ZBTB44: variants seen among roughly 807,000 people sequenced by gnomAD.
The protein encoded by ZBTB44 is zinc finger and BTB domain containing 44, also known as zinc finger and BTB domain-containing protein 44.
Under a neutral mutation model 54.0 loss-of-function variants are expected in ZBTB44, and 15 were observed. The ratio of observed to expected loss-of-function variants is 0.28; its 90% CI spans 0.19 to 0.43. The LOEUF (loss-of-function observed/expected upper bound fraction) is 0.43, where lower values mean the gene tolerates loss of function less well. ZBTB44 is among the 20% of genes least tolerant of loss of function. The probability of loss-of-function intolerance (pLI) is 1.00; values close to 1 mark genes in which losing one functional copy is unlikely to be tolerated. For synonymous variants in ZBTB44, 230 were observed against 250.1 expected (o/e 0.92, Z 0.76); for missense variants, 487 against 707.1 (o/e 0.69, Z 3.53).
intron 2 of ZBTB44, among the ~76,000 whole-genome samples, chr11:130,247,111 C>G (rs1937611315): frequency 1.3e-5 from 2 of 152,140 alleles, no homozygotes; most frequent in African/African-American, 2.4e-5. Context: ...TGAAATCACC[C>G]AACACAAGGC....
At chr11:130,269,972 C>T (rs969222243) in intron 1 of ZBTB44, among the ~76,000 whole-genome samples, 15 of 152,056 alleles carry the variant, frequency 9.9e-5, no homozygotes, top group African/African-American at 2.4e-4. Context: ...CTATTTTTCA[C>T]AGCATTTTAA....
At chr11:130,276,013 G>A (rs1940037347) in intron 1 of ZBTB44, among the ~76,000 whole-genome samples, 2 of 151,212 alleles carry the variant, frequency 1.3e-5, no homozygotes, top group African/African-American at 4.8e-5. Flanking sequence ...ATCACCTGAG[G>A]TCAGGAGTTT....
chr11:130,278,723 A>G (rs1940288610), intron 1 of ZBTB44, among the ~76,000 whole-genome samples: 1 of 152,130 alleles, frequency 6.6e-6, no homozygotes. Flanking sequence ...ACTGCTAGTG[A>G]ATTTTCGGTT....
Position 130,228,697 on chromosome 11 carries a change from G to A in ZBTB44, c.*3067C>T, listed in dbSNP as rs1401089216. The A allele has an allele frequency of 6.6e-6, 1 of 152,106 alleles. No individual in the cohort carries two copies. The allele number at this position is 152,106 out of a possible 1,614,324, so 9.4% of individuals were successfully genotyped here. A position where few individuals can be genotyped will look rare whatever the true frequency, so the allele number is the denominator to read the frequency against. On this transcript the variant is annotated 3_prime_UTR_variant, in exon 8 of 8. Coordinates refer to ENST00000357899, the MANE Select transcript of ZBTB44 (RefSeq NM_001301098.2). ...TAACCTCAACATTCATTTATGGGAT[G>A]ATTTTTCATCTGTTTTATTGAATAA...
At chr11:130,268,386 C>T (rs942706327) in intron 1 of ZBTB44, among the ~76,000 whole-genome samples, 30 of 152,082 alleles carry the variant, frequency 2.0e-4, no homozygotes, top group African/African-American at 7.2e-4. Flanking sequence ...AGACCTTCCA[C>T]CAACAAAAAG....
At chr11:130,313,966 A>ATATTTTT (rs1160244728) in intron 1 of ZBTB44, among the ~76,000 whole-genome samples, 4 of 116,236 alleles carry the variant, frequency 3.4e-5, no homozygotes, top group African/African-American at 1.1e-4. Flanking sequence ...ATATATATAT[A>ATATTTTT]TTTTTTTAAA....
chr11:130,249,526 C>A (rs1244593026), intron 2 of ZBTB44, among the ~76,000 whole-genome samples: 2 of 152,144 alleles, frequency 1.3e-5, no homozygotes, highest in African/African-American at 2.4e-5. Context: ...CGAATAGGAA[C>A]AGCTCCAGTC....
At chr11:130,293,670 G>A (rs1434256681) in intron 1 of ZBTB44, among the ~76,000 whole-genome samples, 6 of 151,134 alleles carry the variant, frequency 4.0e-5, no homozygotes, top group South Asian at 2.1e-4. Context: ...GGTGGTGCAC[G>A]CCGTCATCTC....
rs560725560 is a variant in ZBTB44, at chr11:130,295,487, A to C, written c.-57+18888T>G. ...CTGAGAAGAAAGTGCCGAGACTCCT[A>C]AAGAAACAGAAAATAACGTAGAGAA... is the stretch of plus-strand genomic sequence containing the variant. On this transcript the variant is annotated intron_variant, in intron 1 of 7. Coordinates refer to ENST00000357899, the MANE Select transcript of ZBTB44 (RefSeq NM_001301098.2). Among the ~76,000 whole-genome samples the C allele has an allele frequency of 7.9e-5, 12 of 152,316 alleles. No homozygotes were observed. The East Asian group carries it at 2.3e-3, about 29-fold the overall frequency.
chr11:130,292,864 A>G (rs1299624171), intron 1 of ZBTB44, among the ~76,000 whole-genome samples: 1 of 152,290 alleles, frequency 6.6e-6, no homozygotes, highest in East Asian at 1.9e-4. Flanking sequence ...AAAGTTATTA[A>G]AATAAGACGT....
intron 1 of ZBTB44, chr11:130,295,918 G>C (rs527514211): frequency 4.0e-6 from 6 of 1,517,026 alleles, no homozygotes; most frequent in African/African-American, 1.4e-5. Context: ...TGGCAGTAAC[G>C]GATCTGCTGA....
chr11:130,247,794 T>G (rs963203062), intron 2 of ZBTB44, among the ~76,000 whole-genome samples: 1 of 152,212 alleles, frequency 6.6e-6, no homozygotes, highest in African/African-American at 2.4e-5. Flanking sequence ...ATATCCAGAA[T>G]AGGCAACTAT....
intron 1 of ZBTB44, among the ~76,000 whole-genome samples, chr11:130,283,833 G>C (rs1940717490): frequency 6.6e-6 from 1 of 151,952 alleles, no homozygotes; most frequent in African/African-American, 2.4e-5. Context: ...AGCTGGGCAT[G>C]ATGGCAGGTG....
At chr11:130,253,333 C>CA (rs1274326997) in intron 2 of ZBTB44, among the ~76,000 whole-genome samples, 2 of 152,172 alleles carry the variant, frequency 1.3e-5, no homozygotes, top group Non-Finnish European at 2.9e-5. Flanking sequence ...CGTCTCAGCC[C>CA]AAAATCTCCT....
intron 2 of ZBTB44, among the ~76,000 whole-genome samples, chr11:130,251,105 C>G (rs1020844502): frequency 6.6e-6 from 1 of 152,106 alleles, no homozygotes; most frequent in Non-Finnish European, 1.5e-5. Context: ...ACATAAATGA[C>G]CTGACAGAGC....
chr11:130,268,301 C>T (rs75734857), intron 1 of ZBTB44, among the ~76,000 whole-genome samples: 9,367 of 151,680 alleles, frequency 0.062, 716 homozygotes, highest in African/African-American at 0.18. Context: ...ATCACTGTCT[C>T]ATTAAACAAA....
chr11:130,287,707 T>C (rs1941048557), intron 1 of ZBTB44, among the ~76,000 whole-genome samples: 1 of 152,010 alleles, frequency 6.6e-6, no homozygotes, highest in Non-Finnish European at 1.5e-5. Context: ...GAAATAATGA[T>C]TGGAGAAATG....
intron 1 of ZBTB44, among the ~76,000 whole-genome samples, chr11:130,282,010 CA>C (rs1178626210): frequency 2.0e-5 from 3 of 152,062 alleles, no homozygotes; most frequent in African/African-American, 7.3e-5. Context: ...ATGATCATGC[CA>C]CCACACTCCA....
At chr11:130,294,130 C>T (rs1010856408) in intron 1 of ZBTB44, among the ~76,000 whole-genome samples, 3 of 152,026 alleles carry the variant, frequency 2.0e-5, no homozygotes, top group Non-Finnish European at 2.9e-5. Flanking sequence ...AGTTATAGGC[C>T]GGGCACGGTA....
Sources: allele counts gnomAD v4.1 joint callset (sites outside exome capture counted in the v4.1 genomes callset), GRCh38; gene constraint gnomAD v4.1.1; transcripts MANE v1.5; gene names NCBI Gene and HGNC (gene_info 2026-07-23, HGNC 2026-07-21).